Variants in UGT8 observed in about 807,000 individuals in gnomAD.
UGT8 encodes the protein 2-hydroxyacylsphingosine 1-beta-galactosyltransferase.
In UGT8, 12 loss-of-function variants were observed where a neutral mutation model predicts 40.5. The ratio of observed to expected loss-of-function variants is 0.30; its 90% confidence interval spans 0.19 to 0.48. UGT8 has a LOEUF of 0.48. Ranked by LOEUF, UGT8 falls within the 20% of genes least tolerant of loss-of-function variation. The pLI is 0.99. For missense variants in UGT8, 513 were observed against 648.7 expected (o/e 0.79, Z 2.27); for synonymous variants, 224 against 240.4 (o/e 0.93, Z 0.63).
At chr4:114,627,152 A>G (rs1732278344) in intron 2 of UGT8, among the ~76,000 whole-genome samples, 1 of 152,036 alleles carries the variant, frequency 6.6e-6, no homozygotes, top group South Asian at 2.1e-4. Context: ...TGGTTTACCT[A>G]CTCTATCATT....
intron 2 of UGT8, among the ~76,000 whole-genome samples, chr4:114,624,573 A>G (rs1262632509): frequency 1.3e-5 from 2 of 152,240 alleles, no homozygotes; most frequent in African/African-American, 4.8e-5. Flanking sequence ...TAGCCACTCA[A>G]AACAATTTTG....
chr4:114,630,542 A>G (rs775655327), intron 2 of UGT8, among the ~76,000 whole-genome samples: 34 of 152,254 alleles, frequency 2.2e-4, no homozygotes, highest in Admixed American at 5.2e-4. Flanking sequence ...GGTTCTCAGG[A>G]GAGTGGATAG....
chr4:114,624,834 G>C (rs927168935), intron 2 of UGT8, among the ~76,000 whole-genome samples: 3 of 152,024 alleles, frequency 2.0e-5, no homozygotes, highest in Non-Finnish European at 4.4e-5. Flanking sequence ...TACACCCACA[G>C]CATTTCAAAT....
rs528691338 is a variant in UGT8, at chr4:114,616,575, C to T, written c.-2-6304C>T. On this transcript the variant is annotated intron_variant, in intron 1 of 5. Coordinates refer to ENST00000310836, the MANE Select transcript of UGT8 (RefSeq NM_001128174.3). ...GGTGAGGCGATGCCTCACCCTACTT[C>T]GGCTCATGCTCGGTGTGTTGCACCC... 1.8e-3 allele frequency among the ~76,000 whole-genome samples: 267 copies of T among 152,184 alleles called. 1 individual carries two copies. Among genetic ancestry groups the T allele is most frequent in the African/African-American group, 5.9e-3 (243 of 41,528 alleles).
rs545945568 is a variant in UGT8, at chr4:114,644,463, T to C, written c.823-19532T>C. 5.1e-4 allele frequency among the ~76,000 whole-genome samples: 78 copies of C among 152,168 alleles called. 1 individual carries two copies. Among genetic ancestry groups the C allele is most frequent in the Middle Eastern group, 3.2e-3 (1 of 316 alleles). On this transcript the variant is annotated intron_variant, in intron 2 of 5. Coordinates refer to ENST00000310836, the MANE Select transcript of UGT8 (RefSeq NM_001128174.3). ...TCCTGGACCCTTTGATGTTTTTATCTGAATCCCATAACCTATTTTAGCATA... is the reference window on the plus strand; with the variant it reads ...TCCTGGACCCTTTGATGTTTTTATCCGAATCCCATAACCTATTTTAGCATA...
chr4:114,639,050 C>G (rs139497359), intron 2 of UGT8, among the ~76,000 whole-genome samples: 4 of 152,276 alleles, frequency 2.6e-5, no homozygotes, highest in African/African-American at 9.6e-5. Flanking sequence ...GCAAGAGACT[C>G]CATTAGATGC....
chr4:114,638,417 G>A (rs1733015826), intron 2 of UGT8, among the ~76,000 whole-genome samples: 1 of 152,162 alleles, frequency 6.6e-6, no homozygotes, highest in Admixed American at 6.5e-5. Flanking sequence ...TTGGATCTGT[G>A]CTAAGAAAAT....
chr4:114,670,983 T>C (rs1277378850), intron 5 of UGT8, among the ~76,000 whole-genome samples: 1 of 152,156 alleles, frequency 6.6e-6, no homozygotes, highest in Non-Finnish European at 1.5e-5. Context: ...AAAATCACTG[T>C]GCAAAAATCG....
At position 114,664,080 on chromosome 4, in the gene UGT8, A is replaced by T. The variant is rs151058343; in HGVS notation, c.908A>T (p.Asp303Val). 152 of 1,613,950 alleles carry T rather than the reference A, an allele frequency of 9.4e-5. No individual in the cohort carries two copies. Among genetic ancestry groups the T allele is most frequent in the Non-Finnish European group, 1.1e-4 (126 of 1,179,978 alleles). ...GCTGGTGTCAAGTATCTGTCAGAAG[A>T]CATTGCTAACAAACTGGCAGGAGCT... ...FGAGVKYLSEDIANKLAGALG... is the reference protein window; with the variant it reads ...FGAGVKYLSEVIANKLAGALG... The change falls in exon 3 of 6, where the codon GAC becomes GTC. Residue 303 changes from aspartate (D) to valine (V), a missense_variant. Coordinates refer to ENST00000310836, the MANE Select transcript of UGT8 (RefSeq NM_001128174.3).
At chr4:114,607,984 G>A (rs919104971) in intron 1 of UGT8, among the ~76,000 whole-genome samples, 5 of 152,114 alleles carry the variant, frequency 3.3e-5, no homozygotes, top group Admixed American at 1.3e-4. Flanking sequence ...ATTTGACTAT[G>A]CGTTTATTTT....
rs537416666 is a variant in UGT8 at position 114,603,847 on chromosome 4, A to G, written c.-3+4873A>G. 2.0e-5 allele frequency among the ~76,000 whole-genome samples: 3 copies of G among 152,338 alleles called. No individual in the cohort carries two copies. In the South Asian group the frequency reaches 6.2e-4, roughly 32 times the overall value. On this transcript the variant is annotated intron_variant, in intron 1 of 5. Coordinates refer to ENST00000310836, the MANE Select transcript of UGT8 (RefSeq NM_001128174.3). ...TGCTACCTGTTTTATGGAAACCAGG[A>G]CTTGGATTTGTGATTAGAAGGTCCG...
intron 2 of UGT8, among the ~76,000 whole-genome samples, chr4:114,637,852 GACAGA>G (rs1268519216): frequency 6.6e-6 from 1 of 152,164 alleles, no homozygotes; most frequent in East Asian, 1.9e-4. Context: ...TTAATAACCT[GACAGA>G]ACAGAGAGAT....
At chr4:114,664,196 T>C in intron 3 of UGT8, 59 bp downstream of exon 3, 1 of 1,577,160 alleles carries the variant, frequency 6.3e-7, no homozygotes, top group Non-Finnish European at 8.7e-7. Context: ...CCTTGTTTAG[T>C]GCACAGGTCC....
intron 2 of UGT8, among the ~76,000 whole-genome samples, chr4:114,631,285 C>T (rs1732554379): frequency 1.3e-5 from 2 of 152,154 alleles, no homozygotes; most frequent in South Asian, 4.1e-4. Context: ...AGTTCTAGAC[C>T]AGCCTGGCCA....
At chr4:114,627,824 A>G (rs995794767) in intron 2 of UGT8, among the ~76,000 whole-genome samples, 2 of 152,126 alleles carry the variant, frequency 1.3e-5, no homozygotes, top group Middle Eastern at 6.3e-3. Context: ...ACCTAATAGC[A>G]CTTTAACTAC....
intron 2 of UGT8, among the ~76,000 whole-genome samples, chr4:114,633,901 G>A (rs1158414872): frequency 6.6e-6 from 1 of 151,808 alleles, no homozygotes. Context: ...CCCAGATGGC[G>A]CCACTGCACT....
intron 2 of UGT8, among the ~76,000 whole-genome samples, chr4:114,647,460 G>A (rs1396530398): frequency 6.6e-6 from 1 of 151,214 alleles, no homozygotes; most frequent in Non-Finnish European, 1.5e-5. Context: ...CAGTCTCCCA[G>A]GTTCAAACGA....
chr4:114,609,816 CAAAGGGAGACTG>C (rs1171825209), intron 1 of UGT8, among the ~76,000 whole-genome samples: 1 of 152,120 alleles, frequency 6.6e-6, no homozygotes, highest in Non-Finnish European at 1.5e-5. Context: ...CTACTCCATC[CAAAGGGAGACTG>C]AAGGGGAGAC....
At chr4:114,627,504 C>T (rs772232605) in intron 2 of UGT8, among the ~76,000 whole-genome samples, 5 of 151,962 alleles carry the variant, frequency 3.3e-5, no homozygotes, top group Non-Finnish European at 5.9e-5. Context: ...GTGATCTGCC[C>T]GTCTCGGCCT....
Sources: gnomAD v4.1 joint callset for allele counts (sites outside exome capture counted in the v4.1 genomes callset) on GRCh38, gnomAD v4.1.1 for gene constraint, MANE v1.5 for transcripts, NCBI Gene and HGNC (gene_info 2026-07-23, HGNC 2026-07-21) for gene names.